KLF12: variants seen among roughly 807,000 people sequenced by gnomAD.
KLF12 encodes KLF transcription factor 12, also known as Krueppel-like factor 12.
A neutral mutation model predicts 37.8 loss-of-function variants in KLF12; 9 were observed. The ratio of observed to expected loss-of-function variants is 0.24; its 90% confidence interval spans 0.14 to 0.42. The LOEUF (loss-of-function observed/expected upper bound fraction) is 0.42. Ranked by LOEUF, KLF12 falls within the 10% of genes least tolerant of loss-of-function variation. KLF12 has a pLI of 1.00. For synonymous variants in KLF12, 208 were observed against 202.1 expected (o/e 1.03, Z -0.25); for missense variants, 411 against 516.0 (o/e 0.80, Z 1.97).
intron 4 of KLF12, among the ~76,000 whole-genome samples, chr13:73,836,859 T>C (rs1302181942): frequency 6.6e-6 from 1 of 152,178 alleles, no homozygotes; most frequent in Non-Finnish European, 1.5e-5. Flanking sequence ...TGTAATTTAA[T>C]CATAGAAGTA....
chr13:73,707,857 G>A (rs1191919249), intron 7 of KLF12, among the ~76,000 whole-genome samples: 1 of 152,132 alleles, frequency 6.6e-6, no homozygotes, highest in East Asian at 1.9e-4. Context: ...AGAAATACTG[G>A]AATAGCAGCA....
intron 1 of KLF12, among the ~76,000 whole-genome samples, chr13:74,132,934 G>A (rs535017619): frequency 6.6e-6 from 1 of 152,196 alleles, no homozygotes; most frequent in Non-Finnish European, 1.5e-5. Flanking sequence ...TGTCGCGGAG[G>A]TCAAGTCTGA....
chr13:73,908,972 G>T (rs1888445750), intron 3 of KLF12, among the ~76,000 whole-genome samples: 1 of 152,136 alleles, frequency 6.6e-6, no homozygotes, highest in African/African-American at 2.4e-5. Context: ...ACAACACGAG[G>T]TACAGTTACG....
rs988136025 is a variant in KLF12 at position 73,692,941 on chromosome 13, G to A, written c.*2549C>T. On this transcript the variant is annotated 3_prime_UTR_variant, in exon 8 of 8. Transcript: ENST00000377669. ...ATCCATCCTATGTTATTAGAAAAGT[G>A]CAACTCATCTAGTTCTGTGCTAAAT... The A allele has an allele frequency of 1.3e-5, 2 of 152,402 alleles. No homozygotes were observed. Among genetic ancestry groups the A allele is most frequent in the Non-Finnish European group, 2.9e-5 (2 of 68,044 alleles). 9.4% of individuals were successfully genotyped at this position (152,402 alleles called of 1,614,324 possible).
intron 6 of KLF12, among the ~76,000 whole-genome samples, chr13:73,754,678 C>CA (rs1385791345): frequency 6.6e-6 from 1 of 151,952 alleles, no homozygotes; most frequent in East Asian, 1.9e-4. Context: ...CTACTGCTGG[C>CA]AAAAAATGCA....
In KLF12 at chr13:73,846,206, T is replaced by C. The variant is rs1885009804; in HGVS notation, c.291A>G (p.Ser97=). The C allele has an allele frequency of 6.2e-7, 1 of 1,614,078 alleles. No individual in the cohort carries two copies. Among genetic ancestry groups the C allele is most frequent in the Admixed American group, 1.7e-5 (1 of 60,004 alleles). ...ATGCTGTCATGGAAACTGGGGAGGA[T>C]GAAACGGCAGTAGGGGACGTCCTGG... The change falls in exon 4 of 8, where the codon TCA becomes TCG. Residue 97 remains serine (S), a synonymous_variant. Coordinates refer to ENST00000377669, the MANE Select transcript of KLF12 (RefSeq NM_007249.5).
At chr13:73,959,102 T>C (rs1248456395) in intron 2 of KLF12, among the ~76,000 whole-genome samples, 9 of 66,420 alleles carry the variant, frequency 1.4e-4, no homozygotes. Flanking sequence ...GTTCAGCATC[T>C]CTGACCTCCA....
In KLF12 at chr13:73,734,185, C is replaced by T. The variant is rs1877273241; in HGVS notation, c.870-18660G>A. Among the ~76,000 whole-genome samples the T allele has an allele frequency of 2.0e-5, 3 of 152,150 alleles. No homozygotes were observed. In the South Asian group the frequency reaches 6.2e-4, roughly 32 times the overall value. On this transcript the variant is annotated intron_variant, in intron 6 of 7. Transcript: ENST00000377669. Reference sequence around the variant, plus strand: ...AATGTCACTTCTTCAGACATGTTCACATCTTTAGATGTCACATCTGAAGAT... The same window carrying T: ...AATGTCACTTCTTCAGACATGTTCATATCTTTAGATGTCACATCTGAAGAT...
the KLF12 span, among the ~76,000 whole-genome samples, chr13:74,139,015 G>T: frequency 6.6e-6 from 1 of 152,074 alleles, no homozygotes; most frequent in Non-Finnish European, 1.5e-5. Context: ...TTCCCTTCTT[G>T]GAGCTTCTTG....
At chr13:74,286,472 A>C in the KLF12 span, among the ~76,000 whole-genome samples, 1 of 152,168 alleles carries the variant, frequency 6.6e-6, no homozygotes, top group Non-Finnish European at 1.5e-5. Flanking sequence ...GGATAGACAA[A>C]TTTTCTCTAA....
intron 3 of KLF12, among the ~76,000 whole-genome samples, chr13:73,919,887 C>G (rs150623439): frequency 2.2e-4 from 33 of 152,290 alleles, no homozygotes; most frequent in African/African-American, 7.0e-4. Context: ...AATATCGAAG[C>G]TTATTGCTAC....
At chr13:73,916,087 T>G (rs1888814193) in intron 3 of KLF12, among the ~76,000 whole-genome samples, 1 of 152,098 alleles carries the variant, frequency 6.6e-6, no homozygotes, top group African/African-American at 2.4e-5. Context: ...TGTTCTGTTC[T>G]TATTGATCTT....
At chr13:74,260,370 A>G in the KLF12 span, among the ~76,000 whole-genome samples, 45 of 152,020 alleles carry the variant, frequency 3.0e-4, no homozygotes, top group South Asian at 9.1e-3. Context: ...AGCCTGGACA[A>G]CCTAGCAAGA....
intron 3 of KLF12, among the ~76,000 whole-genome samples, chr13:73,940,924 C>T (rs928399755): frequency 1.3e-5 from 2 of 152,162 alleles, no homozygotes; most frequent in Non-Finnish European, 2.9e-5. Flanking sequence ...GCAGAGCCCA[C>T]CTGACAGCAG....
At chr13:74,059,540 T>A (rs1873452917) in intron 1 of KLF12, among the ~76,000 whole-genome samples, 1 of 152,244 alleles carries the variant, frequency 6.6e-6, no homozygotes, top group Admixed American at 6.5e-5. Flanking sequence ...CTCTGATTAA[T>A]GATGTTGAGC....
the KLF12 span, among the ~76,000 whole-genome samples, chr13:74,299,998 G>A: frequency 1.3e-3 from 200 of 152,086 alleles, 1 homozygote; most frequent in Non-Finnish European, 2.2e-3. Context: ...AGCCTGGGAC[G>A]TAGAAAGCAG....
chr13:74,068,836 C>T (rs1283272785), intron 1 of KLF12, among the ~76,000 whole-genome samples: 1 of 152,140 alleles, frequency 6.6e-6, no homozygotes, highest in African/African-American at 2.4e-5. Flanking sequence ...GGATTACAGG[C>T]ATGAGCCACT....
intron 5 of KLF12, among the ~76,000 whole-genome samples, chr13:73,805,653 GAAGGA>G (rs1566380346): frequency 7.5e-4 from 20 of 26,794 alleles, no homozygotes; most frequent in Non-Finnish European, 9.1e-4. Flanking sequence ...AGGGAGGGAG[GAAGGA>G]AGGAAGGAAG....
intron 1 of KLF12, among the ~76,000 whole-genome samples, chr13:74,131,184 G>A (rs1398361748): frequency 1.3e-5 from 2 of 152,190 alleles, no homozygotes; most frequent in Non-Finnish European, 2.9e-5. Flanking sequence ...ATAACAGCCT[G>A]TTTCATGATA....
Sources: allele counts gnomAD v4.1 joint callset (sites outside exome capture counted in the v4.1 genomes callset), GRCh38; gene constraint gnomAD v4.1.1; transcripts MANE v1.5; gene names NCBI Gene and HGNC (gene_info 2026-07-23, HGNC 2026-07-21).